SLC12A1: variants seen among roughly 807,000 people sequenced by gnomAD.
SLC12A1 encodes the protein Na-K-2Cl cotransporter.
In SLC12A1, 89 loss-of-function variants were observed where a neutral mutation model predicts 130.4. The observed-to-expected ratio is 0.68, with a 90% CI of 0.58 to 0.81. SLC12A1 has a LOEUF of 0.81. Ranked by LOEUF, SLC12A1 falls within the 40% of genes least tolerant of loss-of-function variation. The pLI is 0.00. For missense variants in SLC12A1, 1,310 were observed against 1,336.4 expected (o/e 0.98, Z 0.31); for synonymous variants, 499 against 460.0 (o/e 1.08, Z -1.09).
rs558605240 is a variant in SLC12A1, at chr15:48,269,545, C to T, written c.2296-113C>T. On this transcript the variant is annotated intron_variant, in intron 18 of 26. Coordinates refer to ENST00000380993, the MANE Select transcript of SLC12A1 (RefSeq NM_000338.3). ...GACATGCACTAAAATGTAATCTAATCTTCAGGATCTTCAGAACATTACTTC... is the reference window on the plus strand; with the variant it reads ...GACATGCACTAAAATGTAATCTAATTTTCAGGATCTTCAGAACATTACTTC... The T allele has an allele frequency of 2.0e-5, 11 of 551,030 alleles. No individual in the cohort carries two copies. In the South Asian group the frequency reaches 2.9e-4, roughly 15 times the overall value. 34.1% of individuals were successfully genotyped at this position (551,030 alleles called of 1,614,324 possible).
chr15:48,269,983 C>G (rs8028210), intron 19 of SLC12A1, among the ~76,000 whole-genome samples: 1 of 152,182 alleles, frequency 6.6e-6, no homozygotes, highest in Non-Finnish European at 1.5e-5. Flanking sequence ...GAGAAACGCC[C>G]GTGTCAGAGA....
chr15:48,207,901 G>A lies in SLC12A1; in HGVS notation c.182G>A (p.Ser61Asn), dbSNP rs1463785529. The A allele has an allele frequency of 6.2e-7, 1 of 1,614,026 alleles. No homozygotes were observed. Among genetic ancestry groups the A allele is most frequent in the Non-Finnish European group, 8.5e-7 (1 of 1,179,890 alleles). ...GAAGCTCAGAAAAGACTCAGAATCA[G>A]CTTTAGGCCTGGGAATCAGGAGTGC... ...GDEAQKRLRI[S>N]FRPGNQECYD... The change falls in exon 2 of 27, where the codon AGC becomes AAC. Residue 61 changes from serine (S) to asparagine (N), a missense_variant. Transcript: ENST00000380993.
intron 5 of SLC12A1, chr15:48,226,839 C>T: frequency 1.7e-6 from 1 of 588,682 alleles, no homozygotes; most frequent in African/African-American, 1.9e-5. Flanking sequence ...CTTTTTCAGG[C>T]TAGTCTGCAC....
intron 24 of SLC12A1, among the ~76,000 whole-genome samples, chr15:48,297,733 C>T (rs944167338): frequency 6.6e-6 from 1 of 152,186 alleles, no homozygotes; most frequent in African/African-American, 2.4e-5. Flanking sequence ...CCCAAATACT[C>T]ACAGTGACTC....
intron 15 of SLC12A1, among the ~76,000 whole-genome samples, chr15:48,254,896 C>T (rs1322263865): frequency 2.6e-5 from 4 of 151,936 alleles, no homozygotes; most frequent in African/African-American, 9.7e-5. Context: ...TGCACTCCAG[C>T]CTGGGCGACA....
rs1430187902 is a variant in SLC12A1, at chr15:48,227,832, C to G, written c.724+1261C>G. On this transcript the variant is annotated intron_variant, in intron 5 of 26. Coordinates refer to ENST00000380993, the MANE Select transcript of SLC12A1 (RefSeq NM_000338.3). ...TCCTACTCAGGGCCTTCTAAAACATCCTGCCCACAACACACTTCCACTCTC... is the reference window on the plus strand; with the variant it reads ...TCCTACTCAGGGCCTTCTAAAACATGCTGCCCACAACACACTTCCACTCTC... 3.3e-5 allele frequency: 5 copies of G among 152,706 alleles called. No individual in the cohort carries two copies. The East Asian group carries it at 9.6e-4, about 29-fold the overall frequency. 9.5% of individuals were successfully genotyped at this position (152,706 alleles called of 1,614,324 possible).
chr15:48,246,420 C>G (rs527839337), intron 11 of SLC12A1, among the ~76,000 whole-genome samples: 3 of 152,092 alleles, frequency 2.0e-5, no homozygotes, highest in African/African-American at 7.2e-5. Context: ...GGATATATTG[C>G]GGGTGAGCAT....
chr15:48,209,358 T>C (rs1052628855), intron 2 of SLC12A1, among the ~76,000 whole-genome samples: 7 of 152,184 alleles, frequency 4.6e-5, no homozygotes, highest in South Asian at 4.1e-4. Context: ...TGAGCCACCA[T>C]GCCCGGCCTC....
intron 19 of SLC12A1, among the ~76,000 whole-genome samples, chr15:48,272,751 A>G (rs1407890476): frequency 1.3e-5 from 2 of 152,108 alleles, no homozygotes; most frequent in Admixed American, 6.5e-5. Context: ...TTTAATTAGA[A>G]TTTGTATATA....
chr15:48,247,372 G>T lies in SLC12A1; in HGVS notation c.1596G>T (p.Gln532His). ...LCKDNIYKAL[Q>H]FFAKGYGKNN... ...AGGACAACATCTACAAAGCCCTGCAGTTTTTTGCAAAGGGATATGGGAAAA... is the reference window on the plus strand; with the variant it reads ...AGGACAACATCTACAAAGCCCTGCATTTTTTTGCAAAGGGATATGGGAAAA... The change falls in exon 13 of 27, where the codon CAG becomes CAT. Residue 532 changes from glutamine to histidine, a missense_variant. Gln to His is a conservative substitution (Grantham distance 24). Coordinates refer to ENST00000380993, the MANE Select transcript of SLC12A1 (RefSeq NM_000338.3). 5.0e-6 allele frequency: 8 copies of T among 1,613,510 alleles called. No individual in the cohort carries two copies. The highest frequency in any genetic ancestry group is 6.8e-6 in the Non-Finnish European group (8 of 1,179,648).
At chr15:48,254,696 T>C in intron 15 of SLC12A1, among the ~76,000 whole-genome samples, 1 of 116,752 alleles carries the variant, frequency 8.6e-6, no homozygotes, top group Admixed American at 1.1e-4. Context: ...GTGAGGCGGG[T>C]GGATCACGAT....
At chr15:48,251,399 C>A (rs542308206) in intron 14 of SLC12A1, among the ~76,000 whole-genome samples, 1 of 151,948 alleles carries the variant, frequency 6.6e-6, no homozygotes, top group East Asian at 1.9e-4. Flanking sequence ...AGATGCTTAA[C>A]ATTTCCTAAA....
chr15:48,285,729 CTT>C (rs750522551), intron 21 of SLC12A1, among the ~76,000 whole-genome samples: 3 of 152,192 alleles, frequency 2.0e-5, no homozygotes, highest in East Asian at 3.8e-4. Context: ...CGACTTAGAA[CTT>C]TATTGGTACT....
chr15:48,236,662 A>T (rs1481287123), intron 9 of SLC12A1, among the ~76,000 whole-genome samples: 1 of 152,172 alleles, frequency 6.6e-6, no homozygotes. Context: ...TTTTTATATT[A>T]GGGGCCACAG....
At chr15:48,262,124 GC>G (rs2041781418) in intron 17 of SLC12A1, among the ~76,000 whole-genome samples, 1 of 152,100 alleles carries the variant, frequency 6.6e-6, no homozygotes, top group Admixed American at 6.5e-5. Flanking sequence ...CCTAAAGCAT[GC>G]CTTCTTAGAA....
intron 23 of SLC12A1, among the ~76,000 whole-genome samples, chr15:48,289,603 T>G (rs903579446): frequency 6.6e-6 from 1 of 152,056 alleles, no homozygotes; most frequent in African/African-American, 2.4e-5. Context: ...TGGTATAGCC[T>G]ACTACACACC....
intron 18 of SLC12A1, 77 bp downstream of exon 18, chr15:48,267,778 A>C: frequency 2.0e-6 from 3 of 1,509,940 alleles, no homozygotes; most frequent in Non-Finnish European, 9.1e-7. Context: ...CCCAAAGTGA[A>C]CAGCTGTAGT....
intron 26 of SLC12A1, 120 bp downstream of exon 26, chr15:48,301,502 T>TGGGGGG (rs1555387784): frequency 9.8e-4 from 432 of 438,966 alleles, no homozygotes; most frequent in South Asian, 2.8e-3. Context: ...GTGTTTTTTT[T>TGGGGGG]GGGGGGGGGA....
Position 48,260,091 on chromosome 15 carries a change from CCT to C in SLC12A1, c.2154+787_2154+788del, listed in dbSNP as rs2041755225. Among the ~76,000 whole-genome samples the C allele has an allele frequency of 2.0e-5, 3 of 151,852 alleles. No individual in the cohort carries two copies. The South Asian group carries it at 6.3e-4, about 32-fold the overall frequency. ...GAGACCATGACGATCATGGCAAAAC[CCT>C]CTCTCTACTAAAAATACAAAAATTA... On this transcript the variant is annotated intron_variant, in intron 17 of 26. Coordinates refer to ENST00000380993, the MANE Select transcript of SLC12A1 (RefSeq NM_000338.3).
Sources: gnomAD v4.1 joint callset for allele counts (sites outside exome capture counted in the v4.1 genomes callset) on GRCh38, gnomAD v4.1.1 for gene constraint, MANE v1.5 for transcripts, NCBI Gene and HGNC (gene_info 2026-07-23, HGNC 2026-07-21) for gene names.